RIMBP2: variants seen among roughly 807,000 people sequenced by gnomAD.
The protein encoded by RIMBP2 is RIMS-binding protein 2.
In RIMBP2, 48 loss-of-function variants were observed where a neutral mutation model predicts 118.6. The ratio of observed to expected loss-of-function variants is 0.40; its 90% CI spans 0.32 to 0.51. The LOEUF (loss-of-function observed/expected upper bound fraction) is 0.51. RIMBP2 is among the 20% of genes least tolerant of loss of function. The probability of loss-of-function intolerance (pLI) is 0.41; values close to 1 mark genes in which losing one functional copy is unlikely to be tolerated. For missense variants in RIMBP2, 1,551 were observed against 1,768.3 expected (o/e 0.88, Z 2.20); for synonymous variants, 762 against 742.9 (o/e 1.03, Z -0.42).
intron 17 of RIMBP2, among the ~76,000 whole-genome samples, chr12:130,416,393 C>T (rs1323242803): frequency 2.0e-5 from 3 of 152,240 alleles, no homozygotes; most frequent in Admixed American, 6.5e-5. Context: ...ACTAATGGAA[C>T]AGAATAGAGA....
rs1335398063 is a variant in RIMBP2 at position 130,664,395 on chromosome 12, ACACG to A, written c.-351-35943_-351-35940del. Among the ~76,000 whole-genome samples the A allele has an allele frequency of 1.6e-3, 207 of 128,614 alleles. 13 individuals are homozygous for A. The highest frequency in any genetic ancestry group is 0.014 in the East Asian group (60 of 4,302). The allele number at this position is 128,614 out of a possible 152,430, so 84.4% of individuals were successfully genotyped here. On this transcript the variant is annotated intron_variant, in intron 1 of 22. Coordinates refer to ENST00000690449, the MANE Select transcript of RIMBP2 (RefSeq NM_001393629.1). ...TGCATGCACGCACGCGCATGCACAC[ACACG>A]CACGCACGCACGCACACACACGCAC...
chr12:130,495,626 C>T (rs769916072), intron 4 of RIMBP2, among the ~76,000 whole-genome samples: 2 of 152,220 alleles, frequency 1.3e-5, no homozygotes, highest in East Asian at 1.9e-4. Context: ...ACTTGCTCCT[C>T]GTTTTACTCC....
chr12:130,588,121 C>T (rs1009213705), intron 2 of RIMBP2, among the ~76,000 whole-genome samples: 3 of 152,088 alleles, frequency 2.0e-5, no homozygotes, highest in Admixed American at 6.6e-5. Flanking sequence ...TCCCTTCTGG[C>T]CCAACAATCC....
intron 6 of RIMBP2, among the ~76,000 whole-genome samples, chr12:130,466,549 A>ATTCAC (rs1169269281): frequency 1.3e-5 from 2 of 152,054 alleles, no homozygotes; most frequent in East Asian, 3.9e-4. Context: ...AAATCTCAGG[A>ATTCAC]CCCCACAATC....
At chr12:130,591,067 G>A (rs141525125) in intron 2 of RIMBP2, among the ~76,000 whole-genome samples, 1 of 152,306 alleles carries the variant, frequency 6.6e-6, no homozygotes, top group Non-Finnish European at 1.5e-5. Context: ...TATCCATAGG[G>A]CTAAGCTTGC....
intron 2 of RIMBP2, among the ~76,000 whole-genome samples, chr12:130,535,352 A>G (rs200926090): frequency 9.2e-5 from 14 of 151,688 alleles, no homozygotes; most frequent in East Asian, 5.8e-4. Context: ...ATTAAAAAAA[A>G]AAATTGTTTT....
chr12:130,540,309 T>C (rs2054490290), intron 2 of RIMBP2, among the ~76,000 whole-genome samples: 1 of 152,126 alleles, frequency 6.6e-6, no homozygotes, highest in Non-Finnish European at 1.5e-5. Flanking sequence ...GCTGGTGTGG[T>C]TGGCTGAGAC....
In RIMBP2 at chr12:130,578,254, C is replaced by G. The variant is rs749052639; in HGVS notation, c.-217+50068G>C. Reference sequence around the variant, plus strand: ...TTCCATCCATCCACTTCTGAACCTTCCTGTTCTCTGCCTCTACTGGCCTCT... The same window carrying G: ...TTCCATCCATCCACTTCTGAACCTTGCTGTTCTCTGCCTCTACTGGCCTCT... On this transcript the variant is annotated intron_variant, in intron 2 of 22. Coordinates refer to ENST00000690449, the MANE Select transcript of RIMBP2 (RefSeq NM_001393629.1). The surrounding 1 kb of genome is among the most constrained non-coding windows in gnomAD (Gnocchi z 4.1). Among the ~76,000 whole-genome samples the G allele has an allele frequency of 1.4e-4, 21 of 152,206 alleles. No individual in the cohort carries two copies. Among genetic ancestry groups the G allele is most frequent in the Non-Finnish European group, 1.9e-4 (13 of 68,038 alleles).
intron 2 of RIMBP2, among the ~76,000 whole-genome samples, chr12:130,605,345 CG>C (rs2060120811): frequency 6.6e-6 from 1 of 152,104 alleles, no homozygotes; most frequent in Non-Finnish European, 1.5e-5. Flanking sequence ...GTCAATCACG[CG>C]GGGAAACCGT....
intron 2 of RIMBP2, among the ~76,000 whole-genome samples, chr12:130,518,338 C>T (rs897294700): frequency 2.6e-5 from 4 of 152,136 alleles, no homozygotes; most frequent in Non-Finnish European, 5.9e-5. Flanking sequence ...ATAAAGCATT[C>T]TAAGGACTAA....
intron 1 of RIMBP2, among the ~76,000 whole-genome samples, chr12:130,674,564 C>T (rs942831844): frequency 1.3e-5 from 2 of 152,174 alleles, no homozygotes; most frequent in African/African-American, 4.8e-5. Context: ...CACCCCTGTA[C>T]CATCCCTAAC....
At position 130,542,898 on chromosome 12, in the gene RIMBP2, C is replaced by G. The variant is rs144054720; in HGVS notation, c.-216-24981G>C. Among the ~76,000 whole-genome samples the G allele has an allele frequency of 4.4e-3, 666 of 152,310 alleles. 3 individuals carry two copies. Among genetic ancestry groups the G allele is most frequent in the Non-Finnish European group, 7.0e-3 (479 of 68,024 alleles). On this transcript the variant is annotated intron_variant, in intron 2 of 22. Transcript: ENST00000690449. ...AGTCATGGTCTACATTTCCATTGTT[C>G]CTCATTCATCCATTAACACAACATT...
In RIMBP2 at chr12:130,622,997, G is replaced by T. The variant is rs1444982845; in HGVS notation, c.-217+5325C>A. Among the ~76,000 whole-genome samples, 1 of 152,216 alleles carries T rather than the reference G, an allele frequency of 6.6e-6. No homozygotes were observed. The highest frequency in any genetic ancestry group is 1.5e-5 in the Non-Finnish European group (1 of 68,042). On this transcript the variant is annotated intron_variant, in intron 2 of 22. Coordinates refer to ENST00000690449, the MANE Select transcript of RIMBP2 (RefSeq NM_001393629.1). This position sits in a 1 kb window ranked among gnomAD's most constrained non-coding sequence, Gnocchi z 8.5. The stretch of plus-strand genomic sequence containing the variant: ...GCGTGGACTGAGGTCTGGGGATACT[G>T]TTGGGGCCATTTCCTTCTAGTATCA...
chr12:130,402,484 C>T (rs150652916), intron 21 of RIMBP2, among the ~76,000 whole-genome samples: 1 of 152,200 alleles, frequency 6.6e-6, no homozygotes, highest in African/African-American at 2.4e-5. Context: ...AGCATGTTTC[C>T]CAGCCTCCTG....
chr12:130,430,529 G>T (rs944761920), intron 14 of RIMBP2: 1 of 152,188 alleles, frequency 6.6e-6, no homozygotes, highest in Non-Finnish European at 1.5e-5. Flanking sequence ...ATTTAATAAG[G>T]GTACAGACTT....
At chr12:130,673,113 C>G (rs1050051546) in intron 1 of RIMBP2, among the ~76,000 whole-genome samples, 29 of 152,214 alleles carry the variant, frequency 1.9e-4, no homozygotes, top group Non-Finnish European at 1.2e-4. Flanking sequence ...CCTGCTCCCG[C>G]CCTTCCTGAA....
rs77073804 is a variant in RIMBP2, at chr12:130,477,428, C to T, written c.102+1484G>A. ...ACGAATAAGTGCAGGTGCCATCAGG[C>T]GTCACCCGGCCACGGGAAAGGTCCT... On this transcript the variant is annotated intron_variant, in intron 5 of 22. Transcript: ENST00000690449. Among the ~76,000 whole-genome samples, 1,191 of 152,250 alleles carry T rather than the reference C, an allele frequency of 7.8e-3. 18 individuals carry two copies. The highest frequency in any genetic ancestry group is 0.027 in the African/African-American group (1,133 of 41,540).
chr12:130,573,390 G>GCA lies in RIMBP2; in HGVS notation c.-217+54931_-217+54932insTG, dbSNP rs1026684786. On this transcript the variant is annotated intron_variant, in intron 2 of 22. Coordinates refer to ENST00000690449, the MANE Select transcript of RIMBP2 (RefSeq NM_001393629.1). The stretch of plus-strand genomic sequence containing the variant: ...TACTTTTAAAGACAGATAAGTGTTC[G>GCA]CGCGTGTGTGTGCGACTGTGTGCGT... 2.7e-4 allele frequency among the ~76,000 whole-genome samples: 27 copies of GCA among 99,992 alleles called. No homozygotes were observed. In the South Asian group the frequency reaches 4.1e-3, roughly 15 times the overall value. The allele number at this position is 99,992 out of a possible 152,430, so 65.6% of individuals were successfully genotyped here.
At chr12:130,694,653 G>C (rs528561497) in intron 1 of RIMBP2, among the ~76,000 whole-genome samples, 8 of 152,260 alleles carry the variant, frequency 5.3e-5, no homozygotes, top group Non-Finnish European at 8.8e-5. Flanking sequence ...TGCATGGATG[G>C]TGCTTCCCTG....
Sources: gnomAD v4.1 joint callset for allele counts (sites outside exome capture counted in the v4.1 genomes callset) on GRCh38, gnomAD v4.1.1 for gene constraint, Gnocchi (gnomAD v3.1) non-coding constraint, MANE v1.5 for transcripts, NCBI Gene and HGNC (gene_info 2026-07-23, HGNC 2026-07-21) for gene names.